YEATS2: variants seen among roughly 807,000 people sequenced by gnomAD.
YEATS2 encodes the protein YEATS domain-containing protein 2.
In YEATS2, 77 loss-of-function variants were observed where a neutral mutation model predicts 163.2. That is an observed-to-expected ratio of 0.47 (90% CI 0.39 to 0.57). The LOEUF (loss-of-function observed/expected upper bound fraction) is 0.57, where lower values mean the gene tolerates loss of function less well. Among genes scored for constraint, YEATS2 ranks in the 20% least tolerant of loss-of-function variants. The probability of loss-of-function intolerance (pLI) is 0.00; values close to 1 mark genes in which losing one functional copy is unlikely to be tolerated. For synonymous variants in YEATS2, 631 were observed against 645.1 expected (o/e 0.98, Z 0.33); for missense variants, 1,549 against 1,729.8 (o/e 0.90, Z 1.85).
At chr3:183,701,580 G>C (rs1181994873) in intron 1 of YEATS2, among the ~76,000 whole-genome samples, 1 of 151,808 alleles carries the variant, frequency 6.6e-6, no homozygotes, top group Non-Finnish European at 1.5e-5. Flanking sequence ...TTTCAGTAGA[G>C]ACAAGGTCTC....
intron 19 of YEATS2, among the ~76,000 whole-genome samples, chr3:183,779,708 T>C (rs1359940862): frequency 6.6e-6 from 1 of 151,924 alleles, no homozygotes; most frequent in Non-Finnish European, 1.5e-5. Context: ...ATTTTTTATA[T>C]ATTTTTTTGA....
intron 19 of YEATS2, among the ~76,000 whole-genome samples, chr3:183,778,442 A>G (rs895855908): frequency 2.6e-5 from 4 of 152,248 alleles, no homozygotes; most frequent in African/African-American, 9.6e-5. Context: ...TGGAAGATCC[A>G]GAATGGGCCA....
chr3:183,793,211 C>T (rs1724826169), intron 21 of YEATS2: 1 of 1,258,958 alleles, frequency 7.9e-7, no homozygotes, highest in Middle Eastern at 2.2e-4. Context: ...GACAACACCC[C>T]TTACTGCCTT....
chr3:183,780,956 A>G (rs1009597217), intron 19 of YEATS2, among the ~76,000 whole-genome samples: 2 of 152,208 alleles, frequency 1.3e-5, no homozygotes, highest in African/African-American at 2.4e-5. Context: ...CTGTTACTCA[A>G]TAAAAAAGTC....
At chr3:183,708,663 C>G (rs1414107575) in intron 1 of YEATS2, among the ~76,000 whole-genome samples, 2 of 151,964 alleles carry the variant, frequency 1.3e-5, no homozygotes, top group Non-Finnish European at 2.9e-5. Context: ...GCCAGGAGTT[C>G]AAGACCACTC....
intron 21 of YEATS2, among the ~76,000 whole-genome samples, chr3:183,792,889 A>G (rs958253975): frequency 6.6e-6 from 1 of 152,096 alleles, no homozygotes; most frequent in Admixed American, 6.6e-5. Flanking sequence ...TAATGTGAAT[A>G]TTTGTGTGTT....
chr3:183,753,990 G>T, intron 10 of YEATS2, 136 bp from the exon 11 acceptor site: 1 of 1,092,494 alleles, frequency 9.2e-7, no homozygotes. Flanking sequence ...AGGGATGATT[G>T]ATTGTATTTA....
intron 7 of YEATS2, among the ~76,000 whole-genome samples, chr3:183,731,756 T>A (rs1026541745): frequency 6.6e-6 from 1 of 152,244 alleles, no homozygotes; most frequent in Admixed American, 6.5e-5. Flanking sequence ...TTTCATTACC[T>A]GTATGAGGTT....
At chr3:183,805,564 G>A (rs1395041892) in intron 27 of YEATS2, among the ~76,000 whole-genome samples, 1 of 152,076 alleles carries the variant, frequency 6.6e-6, no homozygotes, top group Non-Finnish European at 1.5e-5. Flanking sequence ...TGAGGCAGGA[G>A]GATTGTTTGA....
rs1390080566 is a variant in YEATS2, at chr3:183,736,700, A to G, written c.813-18A>G. On this transcript the variant is annotated intron_variant, in intron 7 of 30. Transcript: ENST00000305135. ...AGAGTGAACATGGATGAACGTGTTAATATCTGCTTTTCCATAGAGAGCCTC... is the reference window on the plus strand; with the variant it reads ...AGAGTGAACATGGATGAACGTGTTAGTATCTGCTTTTCCATAGAGAGCCTC... The G allele has an allele frequency of 6.2e-7, 1 of 1,601,836 alleles. No individual in the cohort carries two copies. The highest frequency in any genetic ancestry group is 2.2e-5 in the East Asian group (1 of 44,682).
intron 15 of YEATS2, among the ~76,000 whole-genome samples, chr3:183,768,298 G>T (rs1577148738): frequency 6.6e-6 from 1 of 152,176 alleles, no homozygotes; most frequent in Non-Finnish European, 1.5e-5. Flanking sequence ...GGGGGAGGGA[G>T]AGCTGAGGGC....
intron 4 of YEATS2, 63 bp downstream of exon 4, chr3:183,718,655 A>G: frequency 1.6e-6 from 2 of 1,242,380 alleles, no homozygotes; most frequent in South Asian, 1.4e-5. Flanking sequence ...AGGGGAAGTT[A>G]TGTCAATATG....
At chr3:183,713,541 C>G (rs1238778497) in intron 1 of YEATS2, among the ~76,000 whole-genome samples, 1 of 152,110 alleles carries the variant, frequency 6.6e-6, no homozygotes, top group East Asian at 1.9e-4. Flanking sequence ...CCAGCCTGGG[C>G]AATAGAGTGA....
intron 9 of YEATS2, among the ~76,000 whole-genome samples, chr3:183,750,641 A>G (rs561279021): frequency 2.0e-4 from 30 of 152,078 alleles, no homozygotes; most frequent in African/African-American, 6.8e-4. Flanking sequence ...TTGTGATGTG[A>G]TATCTTGTGG....
chr3:183,707,678 A>ATTTTTTTTTTTTT (rs1176429941), intron 1 of YEATS2, among the ~76,000 whole-genome samples: 10 of 106,124 alleles, frequency 9.4e-5, no homozygotes, highest in Non-Finnish European at 1.1e-4. Context: ...TTCCCCACCT[A>ATTTTTTTTTTTTT]TTTTTTTTTT....
chr3:183,760,130 G>A (rs1428763999), intron 13 of YEATS2, among the ~76,000 whole-genome samples: 1 of 152,102 alleles, frequency 6.6e-6, no homozygotes, highest in African/African-American at 2.4e-5. Context: ...CAGTGTGTTG[G>A]CACTGTTATA....
At chr3:183,771,603 G>A (rs1029325268) in intron 15 of YEATS2, among the ~76,000 whole-genome samples, 12 of 143,034 alleles carry the variant, frequency 8.4e-5, no homozygotes, top group African/African-American at 3.1e-4. Context: ...CAGGCTGGAG[G>A]GCAGTGGTGT....
rs139139292 is a variant in YEATS2, at chr3:183,717,307, GTCTT to G, written c.101-335_101-332del. Among the ~76,000 whole-genome samples the G allele has an allele frequency of 9.4e-4, 143 of 152,066 alleles. 2 individuals are homozygous for G. The East Asian group carries it at 0.027, about 29-fold the overall frequency. ...TCTCAGTCTCCTCAACCCTTTCCTT[GTCTT>G]TCTTTCTTGTCTTTAATATTTAAAT... On this transcript the variant is annotated intron_variant, in intron 2 of 30. Coordinates refer to ENST00000305135, the MANE Select transcript of YEATS2 (RefSeq NM_018023.5).
In YEATS2 at chr3:183,790,900, A is replaced by G. The variant is rs1408319459; in HGVS notation, c.3017A>G (p.Lys1006Arg). 1 of 1,614,064 alleles carries G rather than the reference A, an allele frequency of 6.2e-7. No individual in the cohort carries two copies. The highest frequency in any genetic ancestry group is 2.2e-5 in the East Asian group (1 of 44,896). ...CVSQATVGTC[K>R]AATPTVVSAT... The stretch of plus-strand genomic sequence containing the variant: ...AGCCAGGCCACCGTGGGAACCTGCA[A>G]GGCTGCCACCCCCACCGTCGTCAGC... Residue 1006 changes from lysine (K) to arginine (R), a missense_variant, in exon 21 of 31, where the codon AAG becomes AGG. By Grantham distance (26) the Lys-to-Arg change is conservative. Transcript: ENST00000305135.
Sources: allele counts gnomAD v4.1 joint callset (sites outside exome capture counted in the v4.1 genomes callset), GRCh38; gene constraint gnomAD v4.1.1; transcripts MANE v1.5; gene names NCBI Gene and HGNC (gene_info 2026-07-23, HGNC 2026-07-21).